The following SLC6A13 variants were observed in gnomAD, a reference collection of about 807,000 sequenced individuals.
SLC6A13 encodes solute carrier family 6 member 13, also known as sodium- and chloride-dependent GABA transporter 2.
A neutral mutation model predicts 72.9 loss-of-function variants in SLC6A13; 69 were observed. That is an observed-to-expected ratio of 0.95 (90% CI 0.78 to 1.16). The LOEUF is 1.16. Ranked by LOEUF, SLC6A13 falls within the 50% of genes most tolerant of loss-of-function variation. The pLI is 0.00. For synonymous variants in SLC6A13, 303 were observed against 303.0 expected, an observed-to-expected ratio of 1.00 and a Z score of 0.00; for missense variants, 735 against 760.5, an observed-to-expected ratio of 0.97 and a Z score of 0.39.
chr12:221,020 T>C lies in SLC6A13; in HGVS notation c.1737A>G (p.Pro579=). ...CPAEDLPQRN[P]AGPSAPATPR... is the part of the protein sequence containing the mutation. ...GGGTGGCGGGAGCCGAGGGTCCTGC[T>C]GGGTTCCGCTGGGGCAGGTCCTCGG... The change falls in exon 15 of 15, where the codon CCA becomes CCG. Residue 579 remains proline (P), a synonymous_variant. Coordinates refer to ENST00000343164, the MANE Select transcript of SLC6A13 (RefSeq NM_016615.5). The C allele has an allele frequency of 6.2e-7, 1 of 1,612,304 alleles. No homozygotes were observed. Among genetic ancestry groups the C allele is most frequent in the Middle Eastern group, 1.7e-4 (1 of 6,054 alleles).
intron 7 of SLC6A13, among the ~76,000 whole-genome samples, chr12:230,942 C>T (rs1941684186): frequency 6.6e-6 from 1 of 152,218 alleles, no homozygotes; most frequent in Non-Finnish European, 1.5e-5. Flanking sequence ...GATTGGATTT[C>T]AATACTAAAA....
intron 1 of SLC6A13, among the ~76,000 whole-genome samples, chr12:261,805 A>C (rs1235299683): frequency 6.6e-6 from 1 of 152,134 alleles, no homozygotes; most frequent in Non-Finnish European, 1.5e-5. Context: ...AGGCACCTGT[A>C]ATCCCAGCTA....
At chr12:250,833 C>CAAAGA (rs1942508096) in intron 2 of SLC6A13, among the ~76,000 whole-genome samples, 1 of 82,604 alleles carries the variant, frequency 1.2e-5, no homozygotes, top group East Asian at 3.3e-4. Context: ...AATAGCCCCC[C>CAAAGA]AAAAAAAAAA....
Position 242,603 on chromosome 12 carries a change from G to A in SLC6A13, c.478+11C>T, listed in dbSNP as rs749889392. On this transcript the variant is annotated intron_variant, in intron 4 of 14. Coordinates refer to ENST00000343164, the MANE Select transcript of SLC6A13 (RefSeq NM_016615.5). ...GAGAGGAGGAAGTGGACCCTTGGGT[G>A]AGGACCATACCTGTGTTCCACTCAT... 1.3e-5 allele frequency: 21 copies of A among 1,611,692 alleles called. No homozygotes were observed. Among genetic ancestry groups the A allele is most frequent in the Admixed American group, 1.7e-5 (1 of 59,858 alleles).
At chr12:244,817 TC>T (rs1942291563) in intron 2 of SLC6A13, among the ~76,000 whole-genome samples, 1 of 152,208 alleles carries the variant, frequency 6.6e-6, no homozygotes, top group Admixed American at 6.5e-5. Context: ...GCCCTGGACT[TC>T]CCAACCTCCA....
rs771973507 is a variant in SLC6A13 at position 226,376 on chromosome 12, C to A, written c.1060+14G>T. The A allele has an allele frequency of 3.1e-6, 5 of 1,613,598 alleles. No homozygotes were observed. The highest frequency in any genetic ancestry group is 4.2e-6 in the Non-Finnish European group (5 of 1,179,636). On this transcript the variant is annotated intron_variant, in intron 9 of 14. Coordinates refer to ENST00000343164, the MANE Select transcript of SLC6A13 (RefSeq NM_016615.5). ...CCAGGCTCACTGCCTCCAGGCCTCC[C>A]CAGTAACACTCACCTGACTCGGCCA...
chr12:221,554 G>A lies in SLC6A13; in HGVS notation c.1516-8C>T. 1.9e-6 allele frequency: 3 copies of A among 1,573,228 alleles called. No homozygotes were observed. Among genetic ancestry groups the A allele is most frequent in the Non-Finnish European group, 1.7e-6 (2 of 1,156,978 alleles). ...GGAGAAGAGAAAGGTGGCCTGAGGG[G>A]GAGAGCAGAAGAGAAAGGGGTTGGG... is the stretch of plus-strand genomic sequence containing the variant. On this transcript the variant is annotated splice_polypyrimidine_tract_variant and splice_region_variant and intron_variant, in intron 13 of 14. Transcript: ENST00000343164.
intron 2 of SLC6A13, among the ~76,000 whole-genome samples, chr12:252,111 A>G (rs1366006043): frequency 2.0e-5 from 3 of 152,258 alleles, no homozygotes; most frequent in Non-Finnish European, 4.4e-5. Flanking sequence ...TGATACATGA[A>G]AACTATAAAT....
intron 13 of SLC6A13, 44 bp from the exon 14 acceptor site, chr12:221,590 C>T (rs778865817): frequency 2.1e-5 from 28 of 1,328,408 alleles, no homozygotes; most frequent in African/African-American, 4.4e-5. Context: ...GGGCGGGGGC[C>T]TTGTGCCCTC....
At position 242,657 on chromosome 12, in the gene SLC6A13, G is replaced by T; in HGVS notation, c.435C>A (p.Thr145=). Residue 145 remains threonine, a synonymous_variant, in exon 4 of 15, where the codon ACC becomes ACA. Coordinates refer to ENST00000343164, the MANE Select transcript of SLC6A13 (RefSeq NM_016615.5). The stretch of plus-strand genomic sequence containing the variant: ...AGCAGCCGCCCCAGGGCAGGTCGAT[G>T]GTGAAGCTGCTGAAGAGGTAGAACA... ...WALFYLFSSF[T]IDLPWGGCYH... The T allele has an allele frequency of 6.2e-7, 1 of 1,613,644 alleles. No individual in the cohort carries two copies. The highest frequency in any genetic ancestry group is 8.5e-7 in the Non-Finnish European group (1 of 1,179,830).
rs1941257138 is a variant in SLC6A13, at chr12:222,561, A to G, written c.1486T>C (p.Trp496Arg). ...CACACAGCTGGTGTGAGGAAGAGCC[A>G]ACAGTATTTGATAAGAGGCCATGGC... ...YRPWPLIKYC[W>R]LFLTPAVCTA... Residue 496 changes from tryptophan (W) to arginine (R), a missense_variant, in exon 13 of 15, where the codon TGG becomes CGG. Transcript: ENST00000343164. The G allele has an allele frequency of 1.9e-6, 3 of 1,609,896 alleles. No homozygotes were observed. The highest frequency in any genetic ancestry group is 1.1e-5 in the South Asian group (1 of 90,196).
chr12:238,904 C>G (rs1428042441), intron 4 of SLC6A13, among the ~76,000 whole-genome samples: 2 of 151,874 alleles, frequency 1.3e-5, no homozygotes, highest in Non-Finnish European at 2.9e-5. Flanking sequence ...TTGTTCCCCT[C>G]GTGGAATCTC....
intron 2 of SLC6A13, among the ~76,000 whole-genome samples, chr12:248,312 GA>G (rs56765015): frequency 0.94 from 142,111 of 151,188 alleles, 67,049 homozygotes; most frequent in Non-Finnish European, 0.99. Flanking sequence ...TGAGGCAGGA[GA>G]AATGGAGTGA....
chr12:223,231 C>A lies in SLC6A13; in HGVS notation c.1315G>T (p.Gly439Ter). 6.2e-7 allele frequency: 1 copy of A among 1,603,592 alleles called. No individual in the cohort carries two copies. Among genetic ancestry groups the A allele is most frequent in the Non-Finnish European group, 8.5e-7 (1 of 1,171,270 alleles). Residue 439 changes from glycine (G) to a stop codon, truncating the protein, a stop_gained, in exon 12 of 15, where the codon GGA (glycine) becomes TGA (stop). Transcript: ENST00000343164. LOFTEE classifies it high-confidence loss of function. ...TCAAAGAGCTGGAACACGTACATTC[C>A]GCCCTGCATGGGAGGAGATTATTTT... ...LVGLIMLTEG[G>*]MYVFQLFDYY...
At position 242,728 on chromosome 12, in the gene SLC6A13, C is replaced by T. The variant is rs369072954; in HGVS notation, c.364G>A (p.Val122Ile). 8 of 1,596,632 alleles carry T rather than the reference C, an allele frequency of 5.0e-6. No homozygotes were observed. The highest frequency in any genetic ancestry group is 2.3e-5 in the South Asian group (2 of 88,144). ...EGIGYASQMIVILLNVYYIIV... is the reference protein window; with the variant it reads ...EGIGYASQMIIILLNVYYIIV... ...ATGTAGTAGACGTTGAGGAGGATGA[C>T]GATCATCTGGGAGGCATAGCCAATG... The change falls in exon 4 of 15, where the codon GTC (valine) becomes ATC (isoleucine). Residue 122 changes from valine (V) to isoleucine (I), a missense_variant. Physicochemically the swap from Val to Ile is conservative, Grantham distance 29. Transcript: ENST00000343164.
intron 4 of SLC6A13, among the ~76,000 whole-genome samples, chr12:242,098 C>T (rs1321251315): frequency 1.3e-5 from 2 of 152,134 alleles, no homozygotes; most frequent in East Asian, 1.9e-4. Flanking sequence ...GCCAACAACG[C>T]GTTTCTCAGA....
At position 254,253 on chromosome 12, in the gene SLC6A13, C is replaced by T. The variant is rs917103000; in HGVS notation, c.202+5598G>A. 3.3e-5 allele frequency among the ~76,000 whole-genome samples: 5 copies of T among 152,238 alleles called. No homozygotes were observed. The highest frequency in any genetic ancestry group is 5.9e-5 in the Non-Finnish European group (4 of 68,038). On this transcript the variant is annotated intron_variant, in intron 2 of 14. Coordinates refer to ENST00000343164, the MANE Select transcript of SLC6A13 (RefSeq NM_016615.5). This position sits in a 1 kb window ranked among gnomAD's most constrained non-coding sequence, Gnocchi z 4.4. ...GGCCACTGGCACACTGTCACTGCTA[C>T]GCAGGACTCACATGGCCCCCTTCCG...
chr12:252,728 C>T (rs1184459553), intron 2 of SLC6A13, among the ~76,000 whole-genome samples: 3 of 152,230 alleles, frequency 2.0e-5, no homozygotes, highest in Non-Finnish European at 4.4e-5. Context: ...GTGGAGAGCC[C>T]AGTCCAGAAA....
chr12:229,899 C>T (rs1301340565), intron 7 of SLC6A13, among the ~76,000 whole-genome samples: 3 of 151,986 alleles, frequency 2.0e-5, no homozygotes, highest in African/African-American at 2.4e-5. Flanking sequence ...GGTGGGAGGT[C>T]GGAGTGGGGT....
Sources: gnomAD v4.1 joint callset for allele counts (sites outside exome capture counted in the v4.1 genomes callset) on GRCh38, gnomAD v4.1.1 for gene constraint, Gnocchi (gnomAD v3.1) non-coding constraint, MANE v1.5 for transcripts, NCBI Gene and HGNC (gene_info 2026-07-23, HGNC 2026-07-21) for gene names.